The following ARMH4 variants were observed in gnomAD, a reference collection of about 807,000 sequenced individuals.
ARMH4 encodes armadillo-like helical domain-containing protein 4.
Under a neutral mutation model 61.9 loss-of-function variants are expected in ARMH4, and 49 were observed. The observed-to-expected ratio is 0.79, with a 90% CI of 0.63 to 1.00. The LOEUF is 1.00. ARMH4 is among the 50% of genes least tolerant of loss of function. The probability of loss-of-function intolerance (pLI) is 0.00; values close to 1 mark genes in which losing one functional copy is unlikely to be tolerated. For missense variants in ARMH4, 934 were observed against 930.0 expected, an observed-to-expected ratio of 1.00 and a Z score of -0.06; for synonymous variants, 368 against 341.5, an observed-to-expected ratio of 1.08 and a Z score of -0.85.
intron 5 of ARMH4, among the ~76,000 whole-genome samples, chr14:58,013,283 A>C (rs1882477201): frequency 6.6e-6 from 1 of 152,240 alleles, no homozygotes; most frequent in African/African-American, 2.4e-5. Context: ...TACATAAATA[A>C]ATGGGTTCAG....
intron 4 of ARMH4, among the ~76,000 whole-genome samples, chr14:58,105,439 A>G (rs1333289274): frequency 2.6e-5 from 4 of 152,162 alleles, no homozygotes; most frequent in African/African-American, 9.7e-5. Context: ...TAATCCCAAC[A>G]CTTTGGGAGG....
chr14:58,053,690 A>G (rs1171463555), intron 5 of ARMH4, among the ~76,000 whole-genome samples: 1 of 152,020 alleles, frequency 6.6e-6, no homozygotes, highest in East Asian at 1.9e-4. Flanking sequence ...CCCCACCCCA[A>G]CTAAGATGCA....
intron 5 of ARMH4, among the ~76,000 whole-genome samples, chr14:58,044,278 T>A (rs1290283719): frequency 1.3e-5 from 2 of 152,114 alleles, no homozygotes; most frequent in African/African-American, 2.4e-5. Flanking sequence ...TATAGACCAA[T>A]GGAACAGAAT....
intron 5 of ARMH4, among the ~76,000 whole-genome samples, chr14:58,016,139 T>C (rs142592380): frequency 4.3e-4 from 65 of 152,158 alleles, no homozygotes; most frequent in Non-Finnish European, 7.6e-4. Context: ...GGATTAACCA[T>C]GAATGTGCAC....
intron 1 of ARMH4, among the ~76,000 whole-genome samples, chr14:58,140,321 C>G (rs1887491007): frequency 6.6e-6 from 1 of 150,624 alleles, no homozygotes; most frequent in Non-Finnish European, 1.5e-5. Context: ...TGTCTCACAC[C>G]TGTAATCCCA....
intron 5 of ARMH4, among the ~76,000 whole-genome samples, chr14:58,045,110 G>C (rs1883884698): frequency 6.6e-6 from 1 of 152,176 alleles, no homozygotes; most frequent in African/African-American, 2.4e-5. Context: ...TCCCATTACT[G>C]GGTATATACC....
intron 1 of ARMH4, among the ~76,000 whole-genome samples, chr14:58,140,860 G>A (rs1365452087): frequency 4.6e-5 from 7 of 152,170 alleles, no homozygotes; most frequent in East Asian, 1.9e-4. Flanking sequence ...CCAAGATCGC[G>A]CCATCACAGT....
chr14:58,139,491 TA>T (rs1271225037), intron 1 of ARMH4, 77 bp from the exon 2 acceptor site: 1 of 789,508 alleles, frequency 1.3e-6, no homozygotes, highest in African/African-American at 1.7e-5. Context: ...AAACCATAAG[TA>T]AAATAATCTC....
intron 2 of ARMH4, 51 bp downstream of exon 2, chr14:58,137,939 T>C: frequency 6.5e-7 from 1 of 1,538,088 alleles, no homozygotes; most frequent in South Asian, 1.3e-5. Flanking sequence ...AAAAAAAAAT[T>C]GAAAGTTTCC....
intron 4 of ARMH4, among the ~76,000 whole-genome samples, chr14:58,109,912 C>T (rs191559306): frequency 3.9e-5 from 6 of 152,246 alleles, no homozygotes; most frequent in Admixed American, 6.5e-5. Context: ...GAAGCAGGCA[C>T]GTTCTTCACA....
chr14:58,045,941 C>T (rs1380458838), intron 5 of ARMH4, among the ~76,000 whole-genome samples: 1 of 152,092 alleles, frequency 6.6e-6, no homozygotes, highest in African/African-American at 2.4e-5. Context: ...CCAAGTATCA[C>T]CAGGCACAGC....
At chr14:58,092,439 C>A (rs748897729) in intron 5 of ARMH4, among the ~76,000 whole-genome samples, 2 of 152,204 alleles carry the variant, frequency 1.3e-5, no homozygotes, top group Non-Finnish European at 2.9e-5. Context: ...CCTTAAATAC[C>A]TATTGAAATC....
intron 4 of ARMH4, among the ~76,000 whole-genome samples, chr14:58,103,026 G>C (rs150912599): frequency 6.6e-6 from 1 of 151,812 alleles, no homozygotes. Context: ...CCAGCTACAC[G>C]GGAGGCTGAC....
intron 3 of ARMH4, among the ~76,000 whole-genome samples, chr14:58,132,259 C>G (rs1244715086): frequency 1.3e-5 from 2 of 152,180 alleles, no homozygotes; most frequent in Non-Finnish European, 2.9e-5. Flanking sequence ...TTTAAGAGAT[C>G]AGAGCATTTG....
intron 5 of ARMH4, among the ~76,000 whole-genome samples, chr14:58,024,246 C>G (rs968130131): frequency 5.3e-5 from 8 of 152,162 alleles, no homozygotes; most frequent in Non-Finnish European, 1.0e-4. Context: ...AGTGTATCCA[C>G]CTTCATCAAT....
intron 5 of ARMH4, among the ~76,000 whole-genome samples, chr14:58,089,492 C>T (rs1469243911): frequency 1.3e-5 from 2 of 152,194 alleles, no homozygotes; most frequent in African/African-American, 2.4e-5. Flanking sequence ...CACACTTAGG[C>T]TGCAATGCAT....
At position 58,005,068 on chromosome 14, in the gene ARMH4, A is replaced by C. The variant is rs769340460; in HGVS notation, c.2236T>G (p.Phe746Val). ...CATACCTTTCTTTTATGCCTTTTGA[A>C]GCCATTTCTCCTTCGGCGATTCATA... ...KVMNRRRRNG[F>V]KRHKRKQREF... The change falls in exon 7 of 8, where the codon TTC (phenylalanine) becomes GTC (valine). Residue 746 changes from phenylalanine to valine, a missense_variant. Coordinates refer to ENST00000267485, the MANE Select transcript of ARMH4 (RefSeq NM_001001872.4). The C allele has an allele frequency of 1.9e-5, 31 of 1,613,978 alleles. No homozygotes were observed. The highest frequency in any genetic ancestry group is 2.6e-5 in the Non-Finnish European group (31 of 1,179,920).
At chr14:58,012,636 A>G (rs910866646) in intron 5 of ARMH4, among the ~76,000 whole-genome samples, 17 of 152,352 alleles carry the variant, frequency 1.1e-4, no homozygotes, top group African/African-American at 3.6e-4. Flanking sequence ...ATTTGCAATC[A>G]TATTTGAAGA....
intron 4 of ARMH4, among the ~76,000 whole-genome samples, chr14:58,118,807 A>T (rs1422054185): frequency 6.6e-6 from 1 of 152,142 alleles, no homozygotes; most frequent in Non-Finnish European, 1.5e-5. Flanking sequence ...TCTTTTAAAA[A>T]TTTCTACTAA....
Sources: allele counts gnomAD v4.1 joint callset (sites outside exome capture counted in the v4.1 genomes callset), GRCh38; gene constraint gnomAD v4.1.1; transcripts MANE v1.5; gene names NCBI Gene and HGNC (gene_info 2026-07-23, HGNC 2026-07-21).